CCDC171: variants seen among roughly 807,000 people sequenced by gnomAD.
The protein encoded by CCDC171 is coiled-coil domain-containing protein 171.
Under a neutral mutation model 168.2 loss-of-function variants are expected in CCDC171, and 177 were observed. The observed-to-expected ratio is 1.05, with a 90% CI of 0.93 to 1.19. The LOEUF (loss-of-function observed/expected upper bound fraction) is 1.19, where lower values mean the gene tolerates loss of function less well. Among genes scored for constraint, CCDC171 ranks in the 50% most tolerant of loss-of-function variants. The pLI is 0.00. For synonymous variants in CCDC171, 687 were observed against 540.8 expected (o/e 1.27, Z -3.75); for missense variants, 1,991 against 1,539.0 (o/e 1.29, Z -4.91).
chr9:15,991,793 A>G (rs954855723), intron 3 of CCDC171, among the ~76,000 whole-genome samples: 2 of 152,244 alleles, frequency 1.3e-5, no homozygotes, highest in African/African-American at 2.4e-5. Flanking sequence ...AGAGAATACT[A>G]TAAACACCTC....
At chr9:15,811,406 T>A (rs1282559828) in intron 21 of CCDC171, among the ~76,000 whole-genome samples, 1 of 151,932 alleles carries the variant, frequency 6.6e-6, no homozygotes, top group Non-Finnish European at 1.5e-5. Flanking sequence ...AAGGCTTGGG[T>A]TTTTTTTCTT....
chr9:15,714,950 T>G (rs1183491412), intron 11 of CCDC171, among the ~76,000 whole-genome samples: 1 of 152,214 alleles, frequency 6.6e-6, no homozygotes, highest in East Asian at 1.9e-4. Context: ...TTGCTTTGAC[T>G]CCACTACCCA....
At chr9:15,983,167 A>G (rs985676526) in intron 3 of CCDC171, among the ~76,000 whole-genome samples, 1 of 151,720 alleles carries the variant, frequency 6.6e-6, no homozygotes, top group Non-Finnish European at 1.5e-5. Context: ...TCTTTTCAGA[A>G]CCCCCTTCCC....
chr9:16,089,470 A>G, the CCDC171 span, among the ~76,000 whole-genome samples: 6 of 151,546 alleles, frequency 4.0e-5, no homozygotes, highest in Non-Finnish European at 7.4e-5. Flanking sequence ...TATCCTGAAT[A>G]GTATTGCCTA....
At position 15,904,297 on chromosome 9, in the gene CCDC171, A is replaced by T. The variant is rs1822172202; in HGVS notation, c.3601-15973A>T. ...GAGAGAAAGGTCGGGTTGCCCACAA[A>T]GGGAAGCCCATCAGACTAACAGTGG... On this transcript the variant is annotated intron_variant, in intron 24 of 25. Transcript: ENST00000380701. 2.0e-5 allele frequency among the ~76,000 whole-genome samples: 3 copies of T among 152,192 alleles called. No homozygotes were observed. The South Asian group carries it at 6.2e-4, about 32-fold the overall frequency.
At chr9:15,584,799 T>C (rs959330166) in intron 4 of CCDC171, among the ~76,000 whole-genome samples, 5 of 152,162 alleles carry the variant, frequency 3.3e-5, no homozygotes, top group Admixed American at 2.6e-4. Flanking sequence ...TGGTGTTTAA[T>C]AATAGTTACA....
At chr9:15,656,683 A>G (rs149081555) in intron 7 of CCDC171, among the ~76,000 whole-genome samples, 1 of 152,188 alleles carries the variant, frequency 6.6e-6, no homozygotes, top group Non-Finnish European at 1.5e-5. Flanking sequence ...AGAAAATGCA[A>G]ACCTCTCTGT....
At chr9:15,829,299 G>A (rs2060137222) in intron 21 of CCDC171, among the ~76,000 whole-genome samples, 1 of 152,126 alleles carries the variant, frequency 6.6e-6, no homozygotes, top group African/African-American at 2.4e-5. Context: ...TACCTTTGAG[G>A]GATTAGCAAA....
intron 3 of CCDC171, among the ~76,000 whole-genome samples, chr9:15,995,482 A>G (rs1832342603): frequency 6.6e-6 from 1 of 152,232 alleles, no homozygotes; most frequent in South Asian, 2.1e-4. Flanking sequence ...CAGCAAGTTT[A>G]CACTTAGGTG....
chr9:15,610,214 C>G (rs1327078901), intron 6 of CCDC171, among the ~76,000 whole-genome samples: 1 of 150,806 alleles, frequency 6.6e-6, no homozygotes, highest in Non-Finnish European at 1.5e-5. Context: ...ATGGTCTTGT[C>G]TTCTTTTCTT....
intron 20 of CCDC171, among the ~76,000 whole-genome samples, chr9:15,783,181 G>C (rs934553485): frequency 2.0e-5 from 3 of 152,124 alleles, no homozygotes; most frequent in African/African-American, 7.2e-5. Flanking sequence ...GATATAGAAG[G>C]ACCTATGTAA....
intron 1 of CCDC171, among the ~76,000 whole-genome samples, chr9:16,048,843 G>T (rs565074217): frequency 6.6e-6 from 1 of 151,758 alleles, no homozygotes; most frequent in East Asian, 1.9e-4. Context: ...CGTAGTAAAC[G>T]CTGTGGACAG....
At chr9:15,692,906 A>G (rs2050922580) in intron 10 of CCDC171, among the ~76,000 whole-genome samples, 1 of 151,492 alleles carries the variant, frequency 6.6e-6, no homozygotes, top group South Asian at 2.1e-4. Flanking sequence ...GGAGGCCGAG[A>G]CGGGTGGATC....
intron 21 of CCDC171, among the ~76,000 whole-genome samples, chr9:15,793,587 G>A (rs13287520): frequency 1.1e-5 from 1 of 94,334 alleles, no homozygotes; most frequent in African/African-American, 4.9e-5. Flanking sequence ...TTTTGAGACA[G>A]AGTCTCACTC....
At chr9:15,784,770 C>G (rs1014694877) in intron 21 of CCDC171, 76 bp downstream of exon 21, 148 of 1,087,864 alleles carry the variant, frequency 1.4e-4, no homozygotes, top group Non-Finnish European at 1.4e-4. Context: ...TATGATATCT[C>G]CTGAATAGGA....
intron 16 of CCDC171, among the ~76,000 whole-genome samples, chr9:15,743,775 T>G (rs1298073004): frequency 6.6e-6 from 1 of 152,210 alleles, no homozygotes. Context: ...TGCCTTCTCA[T>G]GCAGTAAATG....
chr9:15,727,330 A>G (rs2053870254), intron 14 of CCDC171, among the ~76,000 whole-genome samples: 1 of 152,186 alleles, frequency 6.6e-6, no homozygotes, highest in African/African-American at 2.4e-5. Flanking sequence ...AGTAAACTGG[A>G]TTCTCTGGAG....
At chr9:15,597,892 G>T (rs28805077) in intron 6 of CCDC171, among the ~76,000 whole-genome samples, 9,902 of 152,148 alleles carry the variant, frequency 0.065, 462 homozygotes, top group African/African-American at 0.13. Flanking sequence ...ATGTGTCCAG[G>T]AATTCTTCCA....
chr9:15,941,710 A>C (rs1032345136), intron 25 of CCDC171, among the ~76,000 whole-genome samples: 1 of 151,994 alleles, frequency 6.6e-6, no homozygotes, highest in African/African-American at 2.4e-5. Flanking sequence ...AGTGCTAGAC[A>C]GTAGCAGCCT....
Sources: allele counts gnomAD v4.1 joint callset (sites outside exome capture counted in the v4.1 genomes callset), GRCh38; gene constraint gnomAD v4.1.1; transcripts MANE v1.5; gene names NCBI Gene and HGNC (gene_info 2026-07-23, HGNC 2026-07-21).